UXS1: variants seen among roughly 807,000 people sequenced by gnomAD.
UXS1 encodes UDP-glucuronate decarboxylase 1.
UXS1 carries 33 observed loss-of-function variants against 62.6 expected under a neutral mutation model. The observed-to-expected ratio is 0.53, with a 90% CI of 0.40 to 0.70. The LOEUF is 0.70. UXS1 is among the 30% of genes least tolerant of loss of function. The pLI is 0.00. For synonymous variants in UXS1, 213 were observed against 206.8 expected, an observed-to-expected ratio of 1.03 and a Z score of -0.26; for missense variants, 434 against 556.3, an observed-to-expected ratio of 0.78 and a Z score of 2.21.
At chr2:106,166,204 G>A (rs1245763184) in intron 1 of UXS1, 121 bp from the exon 2 acceptor site, 14 of 960,218 alleles carry the variant, frequency 1.5e-5, no homozygotes, top group East Asian at 2.7e-5. Flanking sequence ...AACTTACGAA[G>A]ACAACAAAAT....
At chr2:106,164,573 C>T (rs1001194955) in intron 3 of UXS1, among the ~76,000 whole-genome samples, 163 bp downstream of exon 3, 7 of 152,204 alleles carry the variant, frequency 4.6e-5, no homozygotes, top group African/African-American at 1.7e-4. Context: ...CCAACAGTAA[C>T]AGACTGCATG....
At chr2:106,184,498 T>C (rs1446010468) in intron 1 of UXS1, among the ~76,000 whole-genome samples, 1 of 152,244 alleles carries the variant, frequency 6.6e-6, no homozygotes, top group Non-Finnish European at 1.5e-5. Flanking sequence ...GGGTGGCTAA[T>C]AAACAGGAAT....
At chr2:106,159,765 G>C (rs1682740941) in intron 4 of UXS1, among the ~76,000 whole-genome samples, 1 of 152,192 alleles carries the variant, frequency 6.6e-6, no homozygotes, top group African/African-American at 2.4e-5. Flanking sequence ...TCGCTGAACT[G>C]AAGGGAATAT....
At chr2:106,146,138 T>A (rs1378895554) in intron 5 of UXS1, among the ~76,000 whole-genome samples, 1 of 152,198 alleles carries the variant, frequency 6.6e-6, no homozygotes, top group Non-Finnish European at 1.5e-5. Flanking sequence ...AATTAAATGG[T>A]GTAACTGGAG....
intron 1 of UXS1, among the ~76,000 whole-genome samples, chr2:106,190,605 T>A (rs1468898288): frequency 1.3e-5 from 2 of 151,676 alleles, no homozygotes; most frequent in Non-Finnish European, 2.9e-5. Flanking sequence ...TAGCCGGGCG[T>A]GGTGGCGCAT....
rs553819905 is a variant in UXS1 at position 106,127,705 on chromosome 2, T to C, written c.577+1969A>G. Among the ~76,000 whole-genome samples the C allele has an allele frequency of 2.0e-5, 3 of 152,290 alleles. No individual in the cohort carries two copies. In the South Asian group the frequency reaches 6.2e-4, roughly 32 times the overall value. ...ATGGCATCTTGTCTCAAGTGCAAGA[T>C]GGCTAATGACAGCGCCTCTCGGTTC... On this transcript the variant is annotated intron_variant, in intron 7 of 14. Transcript: ENST00000283148.
intron 6 of UXS1, among the ~76,000 whole-genome samples, chr2:106,140,974 G>C (rs1381447777): frequency 6.6e-6 from 1 of 152,160 alleles, no homozygotes; most frequent in Non-Finnish European, 1.5e-5. Flanking sequence ...CAGGACCCTG[G>C]GAAAGCCAGT....
rs1260002465 is a variant in UXS1, at chr2:106,126,822, G to C, written c.578-1143C>G. Among the ~76,000 whole-genome samples the C allele has an allele frequency of 2.0e-5, 3 of 152,140 alleles. No homozygotes were observed. The East Asian group carries it at 5.8e-4, about 29-fold the overall frequency. On this transcript the variant is annotated intron_variant, in intron 7 of 14. Coordinates refer to ENST00000283148, the MANE Select transcript of UXS1 (RefSeq NM_001253875.2). Reference sequence around the variant, plus strand: ...GATATGATCAGTGACTATTTCCACTGAAACGGACATTCCATTGATAAAAGT... The same window carrying C: ...GATATGATCAGTGACTATTTCCACTCAAACGGACATTCCATTGATAAAAGT...
intron 6 of UXS1, 29 bp from the exon 7 acceptor site, chr2:106,129,807 C>T: frequency 1.3e-6 from 2 of 1,513,910 alleles, no homozygotes; most frequent in South Asian, 1.2e-5. Context: ...AAGCCTATTA[C>T]TTCAAAAAAG....
chr2:106,096,989 TG>T (rs764953563), intron 13 of UXS1, 168 bp from the exon 14 acceptor site: 4 of 751,734 alleles, frequency 5.3e-6, no homozygotes, highest in South Asian at 1.5e-5. Context: ...CTGTTCTGCG[TG>T]GAAGTCCAGG....
rs765724929 is a variant in UXS1 at position 106,145,298 on chromosome 2, C to G, written c.364G>C (p.Val122Leu). The G allele has an allele frequency of 6.2e-7, 1 of 1,613,986 alleles. No homozygotes were observed. The highest frequency in any genetic ancestry group is 1.1e-5 in the South Asian group (1 of 91,072). Residue 122 changes from valine to leucine, a missense_variant, in exon 6 of 15, where the codon GTG becomes CTG. Physicochemically the swap from Val to Leu is conservative, Grantham distance 32. Transcript: ENST00000283148. ...CTGCCCGTGAAGAAATTGTCCACCA[C>G]GGTCACCTCGTGGCCGTCCATCATG... ...KLMMDGHEVT[V>L]VDNFFTGRKR...
At chr2:106,096,882 T>C in intron 13 of UXS1, 61 bp from the exon 14 acceptor site, 1 of 1,498,328 alleles carries the variant, frequency 6.7e-7, no homozygotes, top group African/African-American at 1.4e-5. Context: ...AAGCACAGCC[T>C]TACCATCCAC....
intron 5 of UXS1, among the ~76,000 whole-genome samples, chr2:106,149,503 A>G (rs966830212): frequency 6.6e-6 from 1 of 152,206 alleles, no homozygotes; most frequent in Non-Finnish European, 1.5e-5. Context: ...GCACGAGTTC[A>G]GTCCCTTTGG....
At chr2:106,147,564 CAG>C (rs913099829) in intron 5 of UXS1, among the ~76,000 whole-genome samples, 36 of 152,260 alleles carry the variant, frequency 2.4e-4, no homozygotes, top group African/African-American at 8.4e-4. Flanking sequence ...GCCTGTGTGA[CAG>C]AGAGAGACCC....
At chr2:106,158,905 T>A (rs895591842) in intron 4 of UXS1, among the ~76,000 whole-genome samples, 18 of 152,198 alleles carry the variant, frequency 1.2e-4, no homozygotes, top group Non-Finnish European at 2.1e-4. Flanking sequence ...GCAGACAGAC[T>A]AAGAGATGTC....
intron 4 of UXS1, among the ~76,000 whole-genome samples, chr2:106,163,242 T>C (rs1414250673): frequency 6.6e-6 from 1 of 152,230 alleles, no homozygotes; most frequent in Non-Finnish European, 1.5e-5. Flanking sequence ...GGAAACCTCC[T>C]CATGAACTCT....
At chr2:106,116,304 A>G (rs1317780988) in intron 9 of UXS1, among the ~76,000 whole-genome samples, 1 of 152,252 alleles carries the variant, frequency 6.6e-6, no homozygotes, top group East Asian at 1.9e-4. Flanking sequence ...CACGGTCCAG[A>G]TATTTGCATA....
chr2:106,139,128 C>T (rs1680890240), intron 6 of UXS1, among the ~76,000 whole-genome samples: 1 of 152,066 alleles, frequency 6.6e-6, no homozygotes, highest in South Asian at 2.1e-4. Flanking sequence ...CAAGCATGAG[C>T]CTGACGTTCC....
intron 6 of UXS1, among the ~76,000 whole-genome samples, chr2:106,140,766 G>A (rs1681035042): frequency 6.6e-6 from 1 of 152,162 alleles, no homozygotes; most frequent in South Asian, 2.1e-4. Flanking sequence ...GTTAGCTATG[G>A]TCACTTTCTT....
Sources: gnomAD v4.1 joint callset for allele counts (sites outside exome capture counted in the v4.1 genomes callset) on GRCh38, gnomAD v4.1.1 for gene constraint, MANE v1.5 for transcripts, NCBI Gene and HGNC (gene_info 2026-07-23, HGNC 2026-07-21) for gene names.